CAMTA1: variants seen among roughly 807,000 people sequenced by gnomAD.
The protein encoded by CAMTA1 is calmodulin-binding transcription activator 1.
In CAMTA1, 27 loss-of-function variants were observed where a neutral mutation model predicts 170.9. The ratio of observed to expected loss-of-function variants is 0.16; its 90% confidence interval spans 0.12 to 0.22. CAMTA1 has a LOEUF of 0.22. Ranked by LOEUF, CAMTA1 falls within the 10% of genes least tolerant of loss-of-function variation. CAMTA1 has a pLI of 1.00. For missense variants in CAMTA1, 1,619 were observed against 2,217.2 expected, an observed-to-expected ratio of 0.73 and a Z score of 5.42; for synonymous variants, 833 against 891.5, an observed-to-expected ratio of 0.93 and a Z score of 1.17.
intron 3 of CAMTA1, among the ~76,000 whole-genome samples, chr1:6,978,931 G>A (rs930296708): frequency 5.9e-5 from 9 of 152,222 alleles, no homozygotes; most frequent in Middle Eastern, 3.4e-3. Context: ...CTCCACACCC[G>A]TCAGTAAATG....
At chr1:7,403,763 G>A (rs886872877) in intron 5 of CAMTA1, among the ~76,000 whole-genome samples, 1 of 152,212 alleles carries the variant, frequency 6.6e-6, no homozygotes, top group African/African-American at 2.4e-5. Flanking sequence ...GGAAGAAGTT[G>A]TTGAGTGATA....
chr1:6,970,302 G>A lies in CAMTA1; in HGVS notation c.235-121002G>A, dbSNP rs1030304050. Among the ~76,000 whole-genome samples, 9 of 152,198 alleles carry A rather than the reference G, an allele frequency of 5.9e-5. No individual in the cohort carries two copies. Among genetic ancestry groups the A allele is most frequent in the African/African-American group, 1.9e-4 (8 of 41,516 alleles). ...GTGTATCTGTAATCCTAATGTGTAC[G>A]GGACCTTATGTCCTGCTTTGCTTGC... On this transcript the variant is annotated intron_variant, in intron 3 of 22. Coordinates refer to ENST00000303635, the MANE Select transcript of CAMTA1 (RefSeq NM_015215.4). This position sits in a 1 kb window ranked among gnomAD's most constrained non-coding sequence, Gnocchi z 4.4.
In CAMTA1 at chr1:6,929,346, ATT is replaced by A. The variant is rs5772260; in HGVS notation, c.234+104148_234+104149del. Among the ~76,000 whole-genome samples, 244 of 146,062 alleles carry A rather than the reference ATT, an allele frequency of 1.7e-3. 2 individuals are homozygous for A. Among genetic ancestry groups the A allele is most frequent in the Middle Eastern group, 7.0e-3 (2 of 284 alleles). ...AGGCGCATACCACCATGCCCAGCTA[ATT>A]TTTTTTTTTTTGTTTGTTTGTTTGT... On this transcript the variant is annotated intron_variant, in intron 3 of 22. Transcript: ENST00000303635.
chr1:6,870,450 G>A (rs1668086419), intron 3 of CAMTA1, among the ~76,000 whole-genome samples: 1 of 152,102 alleles, frequency 6.6e-6, no homozygotes, highest in Non-Finnish European at 1.5e-5. Flanking sequence ...CCTAATCACA[G>A]GAACAAACAT....
rs367658744 is a variant in CAMTA1, at chr1:7,627,545, A to G, written c.511-12855A>G. On this transcript the variant is annotated intron_variant, in intron 6 of 22. Transcript: ENST00000303635. ...ACAACTACCTCAGGGAGCAGGCACTACTGTTCTCTCCATTGTATGGATGAG... is the reference window on the plus strand; with the variant it reads ...ACAACTACCTCAGGGAGCAGGCACTGCTGTTCTCTCCATTGTATGGATGAG... Among the ~76,000 whole-genome samples the G allele has an allele frequency of 2.4e-4, 36 of 152,296 alleles. No homozygotes were observed. In the East Asian group the frequency reaches 4.2e-3, roughly 18 times the overall value.
At chr1:6,919,353 C>G (rs181083327) in intron 3 of CAMTA1, among the ~76,000 whole-genome samples, 106 of 152,320 alleles carry the variant, frequency 7.0e-4, no homozygotes, top group Non-Finnish European at 8.1e-4. Context: ...GATGCTGCCT[C>G]TGGTGGATGG....
At chr1:6,838,641 T>C (rs1654285369) in intron 3 of CAMTA1, among the ~76,000 whole-genome samples, 1 of 152,070 alleles carries the variant, frequency 6.6e-6, no homozygotes, top group Non-Finnish European at 1.5e-5. Context: ...GGGCATTTTT[T>C]CTATATTTAT....
intron 5 of CAMTA1, among the ~76,000 whole-genome samples, chr1:7,311,061 T>C (rs2149619243): frequency 6.6e-6 from 1 of 152,324 alleles, no homozygotes; most frequent in Middle Eastern, 3.4e-3. Flanking sequence ...TCTTTAGTTT[T>C]CAGTTTGATT....
chr1:7,753,801 T>G (rs1362819305), intron 21 of CAMTA1, among the ~76,000 whole-genome samples: 1 of 152,162 alleles, frequency 6.6e-6, no homozygotes, highest in Non-Finnish European at 1.5e-5. Flanking sequence ...CTCAGCAACA[T>G]TTACTTTCCA....
chr1:6,927,005 C>T (rs1474102242), intron 3 of CAMTA1, among the ~76,000 whole-genome samples: 1 of 151,974 alleles, frequency 6.6e-6, no homozygotes, highest in African/African-American at 2.4e-5. Context: ...TGCTAGGTCT[C>T]CCAAAGTGCT....
chr1:7,164,473 G>C (rs542578418), intron 4 of CAMTA1, among the ~76,000 whole-genome samples: 1 of 152,340 alleles, frequency 6.6e-6, no homozygotes, highest in Admixed American at 6.5e-5. Flanking sequence ...CCGTGTTTGG[G>C]CTGGCACCCC....
At chr1:7,571,716 A>C (rs2095128750) in intron 6 of CAMTA1, among the ~76,000 whole-genome samples, 1 of 151,862 alleles carries the variant, frequency 6.6e-6, no homozygotes, top group African/African-American at 2.4e-5. Context: ...TATGTATCAC[A>C]TTTTCTTTAT....
intron 5 of CAMTA1, among the ~76,000 whole-genome samples, chr1:7,284,153 CTTCTTCTTCTTCTTCTTCTTCTTCTTA>C (rs1351353349): frequency 3.1e-4 from 35 of 111,734 alleles, no homozygotes; most frequent in African/African-American, 1.3e-3. Flanking sequence ...TCTTCTTCTT[CTTCTTCTTCTTCTTCTTCTTCTTCTTA>C]TTATTATTAT....
At chr1:7,750,007 G>A (rs528669444) in intron 19 of CAMTA1, among the ~76,000 whole-genome samples, 2 of 152,230 alleles carry the variant, frequency 1.3e-5, no homozygotes, top group South Asian at 4.1e-4. Flanking sequence ...ACATTTTTTG[G>A]CTGGTGTTAA....
chr1:7,519,562 T>G (rs1419065171), intron 6 of CAMTA1, among the ~76,000 whole-genome samples: 1 of 151,882 alleles, frequency 6.6e-6, no homozygotes, highest in Non-Finnish European at 1.5e-5. Context: ...CCCGTCTCAC[T>G]GAATTTCTCC....
At chr1:7,548,694 T>C (rs1159368235) in intron 6 of CAMTA1, among the ~76,000 whole-genome samples, 3 of 83,856 alleles carry the variant, frequency 3.6e-5, no homozygotes, top group Admixed American at 1.3e-4. Context: ...GGTGCCCCCT[T>C]AGGGGTGGAG....
intron 3 of CAMTA1, among the ~76,000 whole-genome samples, chr1:6,839,052 C>T (rs1435161001): frequency 6.6e-6 from 1 of 152,066 alleles, no homozygotes; most frequent in Non-Finnish European, 1.5e-5. Flanking sequence ...CCATCGTGCT[C>T]AGCCAACATT....
intron 3 of CAMTA1, among the ~76,000 whole-genome samples, chr1:6,990,765 C>A (rs140934790): frequency 0.014 from 2,139 of 150,818 alleles, 137 homozygotes; most frequent in Admixed American, 0.11. Flanking sequence ...ATTCATATAA[C>A]ATGTACTTTC....
At chr1:6,893,217 C>T (rs1023337980) in intron 3 of CAMTA1, among the ~76,000 whole-genome samples, 1 of 151,932 alleles carries the variant, frequency 6.6e-6, no homozygotes, top group Admixed American at 6.6e-5. Flanking sequence ...GCCGAGATCG[C>T]GTCATTGCAC....
Sources: allele counts gnomAD v4.1 joint callset (sites outside exome capture counted in the v4.1 genomes callset), GRCh38; gene constraint gnomAD v4.1.1; non-coding constraint Gnocchi (gnomAD v3.1); transcripts MANE v1.5; gene names NCBI Gene and HGNC (gene_info 2026-07-23, HGNC 2026-07-21).